Variants in PDXDC1 observed in about 807,000 individuals in gnomAD.
The protein encoded by PDXDC1 is pyridoxal dependent decarboxylase domain containing 1.
A neutral mutation model predicts 100.1 loss-of-function variants in PDXDC1; 42 were observed. The ratio of observed to expected loss-of-function variants is 0.42; its 90% CI spans 0.33 to 0.54. PDXDC1 has a LOEUF of 0.54. PDXDC1 is among the 20% of genes least tolerant of loss of function. PDXDC1 has a pLI of 0.10. For missense variants in PDXDC1, 636 were observed against 979.2 expected, an observed-to-expected ratio of 0.65 and a Z score of 4.68; for synonymous variants, 260 against 371.7, an observed-to-expected ratio of 0.70 and a Z score of 3.46.
chr16:15,130,785 T>G, intron 16 of PDXDC1: 2 of 1,053,776 alleles, frequency 1.9e-6, no homozygotes, highest in East Asian at 2.3e-5. Flanking sequence ...CTCAGACAGG[T>G]AGCGGCCTGG....
intron 14 of PDXDC1, among the ~76,000 whole-genome samples, chr16:15,028,045 T>C (rs1334735643): frequency 3.3e-5 from 5 of 152,392 alleles, no homozygotes; most frequent in Non-Finnish European, 7.3e-5. Flanking sequence ...CCAGAGCCCC[T>C]GGGTATCTTA....
intron 16 of PDXDC1, among the ~76,000 whole-genome samples, chr16:15,057,509 C>T (rs1290267035): frequency 6.6e-6 from 1 of 152,156 alleles, no homozygotes; most frequent in African/African-American, 2.4e-5. Flanking sequence ...CAGTGCTCTC[C>T]ATCACTATAA....
At chr16:15,151,782 T>C in the PDXDC1 span, among the ~76,000 whole-genome samples, 6 of 121,040 alleles carry the variant, frequency 5.0e-5, 1 homozygote, top group African/African-American at 1.6e-4. Context: ...AAATAGAAAA[T>C]TAGCCAGGAA....
intron 16 of PDXDC1, among the ~76,000 whole-genome samples, chr16:15,128,807 A>T (rs1018215399): frequency 7.1e-6 from 1 of 140,896 alleles, no homozygotes; most frequent in African/African-American, 2.6e-5. Context: ...AGGTGACAGT[A>T]TTTTTTTTTT....
At chr16:15,020,360 G>A (rs147592114) in intron 12 of PDXDC1, among the ~76,000 whole-genome samples, 613 of 152,136 alleles carry the variant, frequency 4.0e-3, no homozygotes, top group African/African-American at 0.011. Flanking sequence ...ATATTCTTGG[G>A]GAGTTAGCAC....
rs1358537615 is a variant in PDXDC1 at position 15,131,669 on chromosome 16, G to A, written c.1400-7210G>A. On this transcript the variant is annotated intron_variant, in intron 16 of 16. Coordinates refer to the PDXDC1 transcript ENST00000535621. ...TCGGCTCCCAGCTCTGAGCGCTGTG[G>A]TGCCCGCACGTCTGAGCTGGCCAGG... 8.3e-6 allele frequency: 13 copies of A among 1,572,904 alleles called. No individual in the cohort carries two copies. The Admixed American group carries it at 8.7e-5, about 10-fold the overall frequency.
the PDXDC1 span, among the ~76,000 whole-genome samples, chr16:15,148,747 C>G: frequency 6.6e-6 from 1 of 151,852 alleles, no homozygotes; most frequent in Admixed American, 6.6e-5. Context: ...GGATGCAAGC[C>G]GATACTGCAT....
chr16:14,983,950 C>T (rs1288657353), intron 1 of PDXDC1, among the ~76,000 whole-genome samples: 1 of 152,228 alleles, frequency 6.6e-6, no homozygotes, highest in African/African-American at 2.4e-5. Context: ...ATCTCTTGAG[C>T]CCAGGAGTTT....
downstream of PDXDC1, chr16:15,040,053 C>T: frequency 6.2e-7 from 1 of 1,605,526 alleles, no homozygotes; most frequent in Non-Finnish European, 8.5e-7. Flanking sequence ...TCTCTGCAGT[C>T]TTAATGTTGA....
intron 16 of PDXDC1, among the ~76,000 whole-genome samples, chr16:15,059,528 C>G (rs75186706): frequency 0.011 from 1,688 of 152,214 alleles, 25 homozygotes; most frequent in Non-Finnish European, 0.015. Flanking sequence ...GTAACTTGCT[C>G]AACGTCAAAC....
Position 14,977,215 on chromosome 16 carries a change from C to T in PDXDC1, c.21+1995C>T, listed in dbSNP as rs1375410474. ...AGAACGTGTGGGCTGGAGGTTTCTG[C>T]CTTAGGTCAATGTGAAAATTCTGAG... On this transcript the variant is annotated intron_variant, in intron 1 of 22. Coordinates refer to ENST00000396410, the MANE Select transcript of PDXDC1 (RefSeq NM_015027.4). 3.3e-5 allele frequency among the ~76,000 whole-genome samples: 5 copies of T among 151,130 alleles called. No homozygotes were observed. In the East Asian group the frequency reaches 5.8e-4, roughly 18 times the overall value.
intron 16 of PDXDC1, among the ~76,000 whole-genome samples, chr16:15,089,571 C>T (rs777436076): frequency 2.6e-5 from 4 of 152,054 alleles, no homozygotes; most frequent in East Asian, 3.9e-4. Flanking sequence ...GAGGCCAAGG[C>T]GGGCGGATCA....
chr16:15,084,897 C>G (rs1264047021), intron 16 of PDXDC1, among the ~76,000 whole-genome samples: 1 of 152,026 alleles, frequency 6.6e-6, no homozygotes, highest in East Asian at 1.9e-4. Flanking sequence ...GAAACCCCAT[C>G]TCTACTAAAA....
At chr16:15,089,933 G>A (rs1430002692) in intron 16 of PDXDC1, among the ~76,000 whole-genome samples, 2 of 151,828 alleles carry the variant, frequency 1.3e-5, no homozygotes, top group Admixed American at 6.6e-5. Context: ...CTGAGGCTGG[G>A]CTCAGTGGCT....
intron 14 of PDXDC1, among the ~76,000 whole-genome samples, chr16:15,027,509 G>A (rs2042702637): frequency 1.3e-5 from 2 of 152,286 alleles, no homozygotes; most frequent in African/African-American, 4.8e-5. Context: ...TTGTCTTGGT[G>A]TACCGGAAGA....
At position 15,026,439 on chromosome 16, in the gene PDXDC1, A is replaced by G. The variant is rs7202669; in HGVS notation, c.1141-204A>G. 2.5e-3 allele frequency: 1,446 copies of G among 586,716 alleles called. 2 individuals carry two copies. The highest frequency in any genetic ancestry group is 0.02 in the African/African-American group (1,069 of 53,586). 36.3% of individuals were successfully genotyped at this position (586,716 alleles called of 1,614,324 possible). ...TCAAACATCTTATAATTCACAGTGT[A>G]CTCTCAAGGCTGGCTCATAGTTATT... is the stretch of plus-strand genomic sequence containing the variant. On this transcript the variant is annotated intron_variant, in intron 13 of 22. Coordinates refer to ENST00000396410, the MANE Select transcript of PDXDC1 (RefSeq NM_015027.4).
At chr16:15,142,330 T>C (rs1316720680), downstream of PDXDC1, among the ~76,000 whole-genome samples, 4 of 151,380 alleles carry the variant, frequency 2.6e-5, no homozygotes, top group African/African-American at 4.8e-5. Context: ...CTGTCACCGG[T>C]TCTGGCCATG....
At chr16:15,140,638 GTC>G (rs1256596550), downstream of PDXDC1, among the ~76,000 whole-genome samples, 5 of 152,098 alleles carry the variant, frequency 3.3e-5, no homozygotes, top group Admixed American at 6.5e-5. Context: ...GCGGCAGCAT[GTC>G]TCTCTTTTCA....
At chr16:15,090,616 A>C (rs2046091910) in intron 16 of PDXDC1, among the ~76,000 whole-genome samples, 1 of 152,196 alleles carries the variant, frequency 6.6e-6, no homozygotes, top group Non-Finnish European at 1.5e-5. Context: ...AACACTCCAT[A>C]TTTTTTAAAT....
Sources: gnomAD v4.1 joint callset for allele counts (sites outside exome capture counted in the v4.1 genomes callset) on GRCh38, gnomAD v4.1.1 for gene constraint, MANE v1.5 for transcripts, NCBI Gene and HGNC (gene_info 2026-07-23, HGNC 2026-07-21) for gene names.